Variants in LRIF1 observed in about 807,000 individuals in gnomAD.
The protein encoded by LRIF1 is ligand-dependent nuclear receptor-interacting factor 1.
In LRIF1, 32 loss-of-function variants were observed where a neutral mutation model predicts 52.7. That is an observed-to-expected ratio of 0.61 (90% CI 0.46 to 0.82). The LOEUF is 0.82. Among genes scored for constraint, LRIF1 ranks in the 40% least tolerant of loss-of-function variants. The pLI is 0.00. For missense variants in LRIF1, 887 were observed against 892.0 expected (o/e 0.99, Z 0.07); for synonymous variants, 323 against 317.4 (o/e 1.02, Z -0.19).
At chr1:110,956,947 T>G (rs982547202) in intron 1 of LRIF1, among the ~76,000 whole-genome samples, 1 of 152,128 alleles carries the variant, frequency 6.6e-6, no homozygotes, top group African/African-American at 2.4e-5. Context: ...ACAGTTAAAT[T>G]TGTCTTTATC....
the LRIF1 span, among the ~76,000 whole-genome samples, chr1:110,915,397 A>C: frequency 0.081 from 12,310 of 152,218 alleles, 637 homozygotes; most frequent in East Asian, 0.19. Flanking sequence ...CTGAGGCAGG[A>C]GAATGGGGTG....
chr1:110,892,429 C>G, the LRIF1 span: 1 of 1,614,046 alleles, frequency 6.2e-7, no homozygotes, highest in Non-Finnish European at 8.5e-7. Flanking sequence ...CCTCCCCTCC[C>G]TCACGCTGGG....
chr1:110,877,076 C>T, the LRIF1 span, among the ~76,000 whole-genome samples: 1 of 152,160 alleles, frequency 6.6e-6, no homozygotes, highest in East Asian at 1.9e-4. Context: ...CCACCAATTA[C>T]CTCTTTAATA....
At chr1:110,948,522 T>C in intron 3 of LRIF1, 123 bp from the exon 4 acceptor site, 3 of 1,384,678 alleles carry the variant, frequency 2.2e-6, no homozygotes, top group Non-Finnish European at 9.5e-7. Context: ...ACAAAATTTA[T>C]GGAAGACAAC....
chr1:110,925,413 TTC>T, the LRIF1 span, among the ~76,000 whole-genome samples: 94,022 of 151,296 alleles, frequency 0.62, 30,970 homozygotes, highest in East Asian at 0.74. Context: ...CTTAAAATCT[TTC>T]TCTCTCTCTC....
Position 110,963,740 on chromosome 1 carries a change from C to G in LRIF1, c.-52G>C. The G allele has an allele frequency of 6.9e-7, 1 of 1,445,838 alleles. No individual in the cohort carries two copies. The highest frequency in any genetic ancestry group is 9.6e-7 in the Non-Finnish European group (1 of 1,043,224). 89.6% of individuals were successfully genotyped at this position (1,445,838 alleles called of 1,614,324 possible). ...ATCCAGAAAAGTGGGAAGCGTGGGG[C>G]CGAGTTTCCCAATGGGGCGAGAACC... On this transcript the variant is annotated 5_prime_UTR_variant, in exon 1 of 4. Coordinates refer to ENST00000369763, the MANE Select transcript of LRIF1 (RefSeq NM_018372.4).
chr1:110,951,449 GA>G lies in LRIF1; in HGVS notation c.1434del (p.Pro479GlnfsTer14). 1 of 1,614,088 alleles carries G rather than the reference GA, an allele frequency of 6.2e-7. No individual in the cohort carries two copies. Among genetic ancestry groups the G allele is most frequent in the Non-Finnish European group, 8.5e-7 (1 of 1,179,998 alleles). On this transcript the variant is annotated frameshift_variant, in exon 2 of 4. Transcript: ENST00000369763. LOFTEE classifies it high-confidence loss of function. The part of the protein sequence containing the change: ...QSKTLFTNPI[F>X]PVGFSTGHNA... ...TTGTGTCCTGTACTAAATCCAACTG[GA>G]AAGATTGGATTTGTGAATAAAGTCT...
the LRIF1 span, chr1:110,892,743 C>T: frequency 1.0e-5 from 5 of 498,482 alleles, no homozygotes; most frequent in South Asian, 3.4e-5. Context: ...TTGCTATCCC[C>T]CTTGTAGCCA....
chr1:110,953,643 A>G (rs1431986245), intron 1 of LRIF1, among the ~76,000 whole-genome samples: 1 of 152,078 alleles, frequency 6.6e-6, no homozygotes, highest in Non-Finnish European at 1.5e-5. Flanking sequence ...ATATATACTA[A>G]TCTCTGTTTG....
the LRIF1 span, among the ~76,000 whole-genome samples, chr1:110,929,762 A>G: frequency 1.3e-5 from 2 of 152,224 alleles, no homozygotes; most frequent in Admixed American, 1.3e-4. Context: ...ACGCAGGAAC[A>G]GAAAACCAAA....
At position 110,957,196 on chromosome 1, in the gene LRIF1, G is replaced by A. The variant is rs1441118023; in HGVS notation, c.69-4381C>T. ...CAATTCGCCAGGTGCGGTGGCTCAC[G>A]CCTGTAATCCCAGCACTTTGGGAGG... On this transcript the variant is annotated intron_variant, in intron 1 of 3. Coordinates refer to ENST00000369763, the MANE Select transcript of LRIF1 (RefSeq NM_018372.4). Among the ~76,000 whole-genome samples, 3 of 150,128 alleles carry A rather than the reference G, an allele frequency of 2.0e-5. No homozygotes were observed. In the Admixed American group the frequency reaches 2.0e-4, roughly 10 times the overall value.
the LRIF1 span, among the ~76,000 whole-genome samples, chr1:110,920,844 T>G: frequency 6.6e-6 from 1 of 152,320 alleles, no homozygotes; most frequent in Middle Eastern, 3.4e-3. Context: ...CTAAAACTGC[T>G]CTAATAAATA....
the LRIF1 span, among the ~76,000 whole-genome samples, chr1:110,900,942 A>G: frequency 6.6e-6 from 1 of 152,274 alleles, no homozygotes; most frequent in Non-Finnish European, 1.5e-5. Flanking sequence ...TGTAAGGCAG[A>G]AAATAAGACC....
chr1:110,876,663 GTCT>G, the LRIF1 span, among the ~76,000 whole-genome samples: 1 of 151,884 alleles, frequency 6.6e-6, no homozygotes, highest in Non-Finnish European at 1.5e-5. Context: ...CCATAGTTTA[GTCT>G]TCTTAAAATA....
intron 1 of LRIF1, among the ~76,000 whole-genome samples, chr1:110,957,177 G>A (rs1457295559): frequency 1.3e-5 from 2 of 150,666 alleles, no homozygotes; most frequent in Non-Finnish European, 3.0e-5. Flanking sequence ...GCAACAATTC[G>A]CCAGGTGCGG....
chr1:110,883,157 G>A, the LRIF1 span, among the ~76,000 whole-genome samples: 1 of 151,924 alleles, frequency 6.6e-6, no homozygotes, highest in Non-Finnish European at 1.5e-5. Flanking sequence ...GGCATTTGGT[G>A]TTATACCATT....
At chr1:110,934,846 A>G in the LRIF1 span, among the ~76,000 whole-genome samples, 1 of 152,148 alleles carries the variant, frequency 6.6e-6, no homozygotes, top group African/African-American at 2.4e-5. Flanking sequence ...CCTTAAGTGA[A>G]CATAGACAAT....
chr1:110,945,890 T>C (rs150131044), downstream of LRIF1, among the ~76,000 whole-genome samples: 575 of 152,360 alleles, frequency 3.8e-3, 1 homozygote, highest in Non-Finnish European at 6.2e-3. Context: ...CTTGACAGTA[T>C]GTTTATGTGG....
At chr1:110,920,746 G>C in the LRIF1 span, among the ~76,000 whole-genome samples, 61 of 152,288 alleles carry the variant, frequency 4.0e-4, no homozygotes, top group African/African-American at 1.4e-3. Context: ...CTATGATGGG[G>C]GCTGTCGATA....
Sources: gnomAD v4.1 joint callset for allele counts (sites outside exome capture counted in the v4.1 genomes callset) on GRCh38, gnomAD v4.1.1 for gene constraint, MANE v1.5 for transcripts, NCBI Gene and HGNC (gene_info 2026-07-23, HGNC 2026-07-21) for gene names.